Variants in CAPN12 observed in about 807,000 individuals in gnomAD.
CAPN12 encodes the protein calpain 12.
A neutral mutation model predicts 95.0 loss-of-function variants in CAPN12; 107 were observed. The observed-to-expected ratio is 1.13, with a 90% confidence interval of 0.96 to 1.32. CAPN12 has a LOEUF of 1.32. Ranked by LOEUF, CAPN12 falls within the 40% of genes most tolerant of loss-of-function variation. The probability of loss-of-function intolerance (pLI) is 0.00; values close to 1 mark genes in which losing one functional copy is unlikely to be tolerated. For missense variants in CAPN12, 1,136 were observed against 997.8 expected, an observed-to-expected ratio of 1.14 and a Z score of -1.87; for synonymous variants, 505 against 415.5, an observed-to-expected ratio of 1.22 and a Z score of -2.62.
At chr19:38,737,420 G>A in intron 9 of CAPN12, 32 bp from the exon 10 acceptor site, 4 of 1,609,048 alleles carry the variant, frequency 2.5e-6, no homozygotes, top group Non-Finnish European at 2.5e-6. Context: ...GGGTTTCCTA[G>A]CCGGCCACAG....
At position 38,730,960 on chromosome 19, in the gene CAPN12, C is replaced by G. The variant is rs1969541920; in HGVS notation, c.2133+5G>C. The G allele has an allele frequency of 6.4e-7, 1 of 1,550,640 alleles. No individual in the cohort carries two copies. The highest frequency in any genetic ancestry group is 2.0e-5 in the Admixed American group (1 of 51,030). ...GAGCCACCCTGTCCCTCCCACCTGG[C>G]TCACCTGTCTGTGGGTCAGGCAGAT... On this transcript the variant is annotated splice_donor_5th_base_variant and intron_variant, in intron 20 of 20. Transcript: ENST00000328867.
At chr19:38,734,623 G>T in intron 15 of CAPN12, 190 bp downstream of exon 15, 2 of 650,240 alleles carry the variant, frequency 3.1e-6, no homozygotes, top group Non-Finnish European at 2.6e-6. Flanking sequence ...GGGAGCTTGC[G>T]AGCAGCCGTG....
intron 2 of CAPN12, 111 bp downstream of exon 2, chr19:38,742,922 G>T: frequency 1.2e-6 from 1 of 836,462 alleles, no homozygotes; most frequent in South Asian, 1.4e-5. Context: ...GGAGAGAAGA[G>T]ACTGAGGAGG....
At chr19:38,738,542 G>A (rs773147154) in intron 6 of CAPN12, 32 bp downstream of exon 6, 3 of 1,613,818 alleles carry the variant, frequency 1.9e-6, no homozygotes, top group Non-Finnish European at 2.5e-6. Flanking sequence ...GCCTGGACAT[G>A]GCCTGCCACC....
chr19:38,735,236 A>T (rs1969935471), intron 14 of CAPN12, 134 bp downstream of exon 14: 3 of 850,274 alleles, frequency 3.5e-6, no homozygotes, highest in Non-Finnish European at 5.4e-6. Flanking sequence ...TTTCAAGAAA[A>T]GGTCAGGAGA....
At chr19:38,735,460 A>G (rs1969961767) in intron 13 of CAPN12, 31 bp from the exon 14 acceptor site, 2 of 1,610,712 alleles carry the variant, frequency 1.2e-6, no homozygotes, top group Admixed American at 1.7e-5. Flanking sequence ...AGCGCTGGCC[A>G]AGATCCCCGC....
At chr19:38,735,606 C>CGGGGTCTCAGGTGAGGAATCGCGT (rs1003343137) in intron 12 of CAPN12, 62 bp from the exon 13 acceptor site, 25 of 1,556,820 alleles carry the variant, frequency 1.6e-5, no homozygotes, top group African/African-American at 1.1e-4. Flanking sequence ...CTGTGTGGGA[C>CGGGGTCTCAGGTGAGGAATCGCGT]GGGGTCTCAG....
In CAPN12 at chr19:38,736,411, C is replaced by G. The variant is rs925703508; in HGVS notation, c.1375-93G>C. On this transcript the variant is annotated intron_variant, in intron 11 of 20. Coordinates refer to ENST00000328867, the MANE Select transcript of CAPN12 (RefSeq NM_144691.4). ...GCGCCCCGTCCACCCTGCCTAACCC[C>G]TGTCCACGCCTCCCCTGCCCCCGGA... 127 of 1,516,324 alleles carry G rather than the reference C, an allele frequency of 8.4e-5. 1 individual carries two copies. Among genetic ancestry groups the G allele is most frequent in the Non-Finnish European group, 1.1e-4 (118 of 1,122,866 alleles). 93.9% of individuals were successfully genotyped at this position (1,516,324 alleles called of 1,614,324 possible).
Position 38,734,208 on chromosome 19 carries a change from T to TGTTGGGG in CAPN12, c.1816-11_1816-5dup, listed in dbSNP as rs757109922. The TGTTGGGG allele has an allele frequency of 5.6e-5, 90 of 1,612,882 alleles. No individual in the cohort carries two copies. Among genetic ancestry groups the TGTTGGGG allele is most frequent in the East Asian group, 3.1e-4 (14 of 44,874 alleles). On this transcript the variant is annotated splice_polypyrimidine_tract_variant and splice_region_variant and intron_variant, in intron 16 of 20. Transcript: ENST00000328867. ...GTAAGGCCAGGCTTTGCCCATGCTG[T>TGTTGGGG]GTTGGGGGTCGGGGGCATCTGGTTA...
chr19:38,731,104 C>CA lies in CAPN12; in HGVS notation c.2074+2dup, dbSNP rs1491130833. 5 of 1,609,590 alleles carry CA rather than the reference C, an allele frequency of 3.1e-6. No individual in the cohort carries two copies. The African/African-American group carries it at 6.7e-5, about 22-fold the overall frequency. The stretch of plus-strand genomic sequence containing the variant: ...TGCCCCACCATGCCGGGGTGGTACT[C>CA]ACAGAAGATGCAGGTGAGGTGGGCC... On this transcript the variant is annotated splice_region_variant and intron_variant, in intron 19 of 20. Transcript: ENST00000328867.
At position 38,734,162 on chromosome 19, in the gene CAPN12, C is replaced by T. The variant is rs767141089; in HGVS notation, c.1858G>A (p.Gly620Ser). 24 of 1,612,892 alleles carry T rather than the reference C, an allele frequency of 1.5e-5. No homozygotes were observed. The highest frequency in any genetic ancestry group is 1.9e-5 in the Non-Finnish European group (23 of 1,179,898). ...CTCACCTGCCACTCCAGGAGGTAGC[C>T]CCAGAGCTGCTGGAAGTGGTGTAAG... The part of the protein sequence containing the change: ...LALHHFQQLW[G>S]YLLEWQAIFN... The change falls in exon 17 of 21, where the codon GGC becomes AGC. Residue 620 changes from glycine to serine, a missense_variant. Physicochemically the swap from Gly to Ser is moderately conservative, Grantham distance 56. Coordinates refer to ENST00000328867, the MANE Select transcript of CAPN12 (RefSeq NM_144691.4).
At position 38,736,309 on chromosome 19, in the gene CAPN12, G is replaced by T; in HGVS notation, c.1384C>A (p.Leu462Ile). The T allele has an allele frequency of 6.9e-7, 1 of 1,444,068 alleles. No individual in the cohort carries two copies. Among genetic ancestry groups the T allele is most frequent in the Non-Finnish European group, 9.1e-7 (1 of 1,102,686 alleles). The allele number at this position is 1,444,068 out of a possible 1,614,324, so 89.5% of individuals were successfully genotyped here. A position where few individuals can be genotyped will look rare whatever the true frequency, so the allele number is the denominator to read the frequency against. Residue 462 changes from leucine to isoleucine, a missense_variant, in exon 12 of 21, where the codon CTC becomes ATC. Leu to Ile is a conservative substitution (Grantham distance 5). Coordinates refer to ENST00000328867, the MANE Select transcript of CAPN12 (RefSeq NM_144691.4). ...GCATGGCTGCGCGGGGAATCCCAGAGGCCCAGCAGCTGGGGACGGGGCGGC... is the reference window on the plus strand; with the variant it reads ...GCATGGCTGCGCGGGGAATCCCAGATGCCCAGCAGCTGGGGACGGGGCGGC... ...VFQIPEELLG[L>I]WDSPRSHALL...
intron 14 of CAPN12, 158 bp from the exon 15 acceptor site, chr19:38,735,028 G>C: frequency 1.5e-6 from 1 of 680,670 alleles, no homozygotes; most frequent in East Asian, 2.8e-5. Context: ...GGCTGTGACG[G>C]GGGAAGCACT....
chr19:38,739,660 C>T (rs922575944), intron 5 of CAPN12: 1 of 159,230 alleles, frequency 6.3e-6, no homozygotes, highest in Non-Finnish European at 1.4e-5. Flanking sequence ...CCAAGCTAAG[C>T]CCACGAGAAT....
chr19:38,735,612 C>T lies in CAPN12; in HGVS notation c.1584-68G>A. On this transcript the variant is annotated intron_variant, in intron 12 of 20. Transcript: ENST00000328867. The stretch of plus-strand genomic sequence containing the variant: ...CAGCTGGGGCTGTGTGGGACGGGGT[C>T]TCAGGTGAGGAATCGCGTGGGGTCT... 4 of 1,535,306 alleles carry T rather than the reference C, an allele frequency of 2.6e-6. No homozygotes were observed. In the East Asian group the frequency reaches 7.1e-5, roughly 27 times the overall value.
chr19:38,737,381 G>A lies in CAPN12; in HGVS notation c.1137C>T (p.Phe379=), dbSNP rs1448485822. 6.2e-7 allele frequency: 1 copy of A among 1,610,236 alleles called. No individual in the cohort carries two copies. The highest frequency in any genetic ancestry group is 1.1e-5 in the South Asian group (1 of 90,910). Residue 379 remains phenylalanine (F), a synonymous_variant, in exon 10 of 21, where the codon TTC becomes TTT. Coordinates refer to ENST00000328867, the MANE Select transcript of CAPN12 (RefSeq NM_144691.4). ...TTAAACGGAACTGAGGATTGGTCCA[G>A]AAGGTTTCTAAGGGAGGAGGAAAAA... ...SGGSQPNAET[F]WTNPQFRLTL...
intron 17 of CAPN12, 138 bp downstream of exon 17, chr19:38,734,004 A>G: frequency 1.0e-6 from 1 of 957,754 alleles, no homozygotes; most frequent in Non-Finnish European, 1.6e-6. Context: ...GGGCAGGGAT[A>G]TCCCAGCCAG....
At chr19:38,734,091 G>T in intron 17 of CAPN12, 51 bp downstream of exon 17, 1 of 1,600,738 alleles carries the variant, frequency 6.2e-7, no homozygotes, top group East Asian at 2.2e-5. Context: ...CTATGTCTCT[G>T]TTAGTAAAGG....
Position 38,742,521 on chromosome 19 carries a change from G to T in CAPN12, c.315C>A (p.Cys105Ter), listed in dbSNP as rs1218312055. 6.2e-7 allele frequency: 1 copy of T among 1,610,058 alleles called. No individual in the cohort carries two copies. The highest frequency in any genetic ancestry group is 8.5e-7 in the Non-Finnish European group (1 of 1,177,720). Residue 105 changes from cysteine to a stop codon, truncating the protein, a stop_gained, in exon 3 of 21, where the codon TGC becomes TGA. Coordinates refer to ENST00000328867, the MANE Select transcript of CAPN12 (RefSeq NM_144691.4). LOFTEE classifies it high-confidence loss of function. The stretch of plus-strand genomic sequence containing the variant: ...GGGAGGCGGCAGCTGCAAGGAACCA[G>T]CAGTTACCTGGGAGGAGAGGCCAGG... ...TDVCQGSLGN[C>*]WFLAAAASLT...
Sources: gnomAD v4.1 joint callset for allele counts on GRCh38, gnomAD v4.1.1 for gene constraint, MANE v1.5 for transcripts, NCBI Gene and HGNC (gene_info 2026-07-23, HGNC 2026-07-21) for gene names.